ECPAS: variants seen among roughly 807,000 people sequenced by gnomAD.
ECPAS encodes the protein Ecm29 proteasome adaptor and scaffold.
In ECPAS, 70 loss-of-function variants were observed where a neutral mutation model predicts 255.1. That is an observed-to-expected ratio of 0.27 (90% CI 0.23 to 0.33). ECPAS has a LOEUF of 0.33. Ranked by LOEUF, ECPAS falls within the 10% of genes least tolerant of loss-of-function variation. The pLI, the probability that ECPAS is intolerant of heterozygous loss-of-function variation, is 1.00. For missense variants in ECPAS, 1,817 were observed against 2,206.4 expected (o/e 0.82, Z 3.54); for synonymous variants, 784 against 775.0 (o/e 1.01, Z -0.19).
chr9:111,477,700 C>A (rs1001556522), intron 1 of ECPAS, among the ~76,000 whole-genome samples: 1 of 152,096 alleles, frequency 6.6e-6, no homozygotes, highest in Non-Finnish European at 1.5e-5. Context: ...AGTACCAGTA[C>A]CAAACTCACA....
At chr9:111,401,941 C>T (rs1349172312) in intron 24 of ECPAS, among the ~76,000 whole-genome samples, 1 of 152,210 alleles carries the variant, frequency 6.6e-6, no homozygotes, top group East Asian at 1.9e-4. Flanking sequence ...TGTTCAAACA[C>T]ACGTTTTACA....
intron 3 of ECPAS, among the ~76,000 whole-genome samples, chr9:111,446,423 C>T (rs933121499): frequency 6.6e-6 from 1 of 152,188 alleles, no homozygotes; most frequent in Non-Finnish European, 1.5e-5. Context: ...GCCAGGTTTA[C>T]ACTATTCTCC....
chr9:111,378,604 G>T lies in ECPAS; in HGVS notation c.3930C>A (p.Ser1310Arg). The T allele has an allele frequency of 6.2e-7, 1 of 1,613,546 alleles. No individual in the cohort carries two copies. The highest frequency in any genetic ancestry group is 8.5e-7 in the Non-Finnish European group (1 of 1,179,572). ...VLEPQVLNYLSLRATEQEKAA... is the reference protein window; with the variant it reads ...VLEPQVLNYLRLRATEQEKAA... Reference sequence around the variant, plus strand: ...CCTTTTCTTGCTCTGTCGCCCGGAGGCTCAAATAATTGAGAACTTGGGGCT... The same window carrying T: ...CCTTTTCTTGCTCTGTCGCCCGGAGTCTCAAATAATTGAGAACTTGGGGCT... Residue 1310 changes from serine (S) to arginine (R), a missense_variant, in exon 36 of 50, where the codon AGC becomes AGA. Around this residue, in one of 4 missense-constraint regions of ECPAS, gnomAD observed 960 missense variants for 1,179.0 expected, o/e 0.81. Coordinates refer to ENST00000684092, the MANE Select transcript of ECPAS (RefSeq NM_001364929.1).
chr9:111,484,379 G>C lies in ECPAS; in HGVS notation c.-346C>G. Reference sequence around the variant, plus strand: ...ACGCCTGTCCAAAGGAAGAGACGTGGACTCAGAAAAGTAGAGCCGGGCTCG... The same window carrying C: ...ACGCCTGTCCAAAGGAAGAGACGTGCACTCAGAAAAGTAGAGCCGGGCTCG... On this transcript the variant is annotated 5_prime_UTR_variant, in exon 1 of 50. Coordinates refer to ENST00000684092, the MANE Select transcript of ECPAS (RefSeq NM_001364929.1). The C allele has an allele frequency of 1.2e-6, 2 of 1,611,762 alleles. No individual in the cohort carries two copies. Among genetic ancestry groups the C allele is most frequent in the Non-Finnish European group, 1.7e-6 (2 of 1,179,444 alleles).
At chr9:111,454,770 G>A (rs138917833) in intron 2 of ECPAS, among the ~76,000 whole-genome samples, 10 of 150,132 alleles carry the variant, frequency 6.7e-5, no homozygotes, top group East Asian at 3.9e-4. Flanking sequence ...GTGCAGTGGC[G>A]CTATCCACAG....
At chr9:111,406,666 G>T (rs932228600) in intron 24 of ECPAS, among the ~76,000 whole-genome samples, 1 of 149,470 alleles carries the variant, frequency 6.7e-6, no homozygotes, top group Non-Finnish European at 1.5e-5. Context: ...CATTTTGGGA[G>T]ATCCAGGTGG....
Position 111,425,727 on chromosome 9 carries a change from ATAGT to A in ECPAS, c.1136+12_1136+15del. The A allele has an allele frequency of 2.1e-6, 3 of 1,430,286 alleles. No homozygotes were observed. The highest frequency in any genetic ancestry group is 2.0e-6 in the Non-Finnish European group (2 of 1,022,184). The allele number at this position is 1,430,286 out of a possible 1,614,324, so 88.6% of individuals were successfully genotyped here. On this transcript the variant is annotated intron_variant, in intron 11 of 49. Coordinates refer to ENST00000684092, the MANE Select transcript of ECPAS (RefSeq NM_001364929.1). ...GCAGCTTGAAAACTTTATAGTTAAA[ATAGT>A]TAAAGACTTACGTTATACAAATATG... is the stretch of plus-strand genomic sequence containing the variant.
In ECPAS at chr9:111,363,728, T is replaced by G. The variant is rs150053292; in HGVS notation, c.5309-69A>C. 6.2e-4 allele frequency: 484 copies of G among 778,138 alleles called. 4 individuals carry two copies. The African/African-American group carries it at 8.0e-3, about 13-fold the overall frequency. 48.2% of individuals were successfully genotyped at this position (778,138 alleles called of 1,614,324 possible). Reference sequence around the variant, plus strand: ...CACAACCTCCAAGATTAAATTTGTGTTGCTGAAAGAAAGATGTCCAGAAAT... The same window carrying G: ...CACAACCTCCAAGATTAAATTTGTGGTGCTGAAAGAAAGATGTCCAGAAAT... On this transcript the variant is annotated intron_variant, in intron 48 of 49. Transcript: ENST00000684092.
At chr9:111,369,288 G>T in intron 45 of ECPAS, 115 bp from the exon 46 acceptor site, 3 of 680,452 alleles carry the variant, frequency 4.4e-6, no homozygotes, top group Non-Finnish European at 6.4e-6. Context: ...AGAGTTAAAT[G>T]ATAAATTCTC....
At chr9:111,373,886 A>G in intron 39 of ECPAS, 86 bp downstream of exon 39, 1 of 985,094 alleles carries the variant, frequency 1.0e-6, no homozygotes, top group Non-Finnish European at 1.6e-6. Context: ...GCAGGTCTGA[A>G]TGATAAGTAT....
At chr9:111,413,804 G>T in intron 20 of ECPAS, 91 bp downstream of exon 20, 1 of 745,178 alleles carries the variant, frequency 1.3e-6, no homozygotes, top group Non-Finnish European at 2.1e-6. Flanking sequence ...GGCAGAAAAG[G>T]TCATAGGGAT....
chr9:111,425,924 T>C (rs1459170893), intron 10 of ECPAS, 96 bp from the exon 11 acceptor site: 9 of 604,372 alleles, frequency 1.5e-5, no homozygotes, highest in Non-Finnish European at 2.6e-5. Context: ...CCTTTCATAC[T>C]ACATCTCGTT....
intron 24 of ECPAS, 80 bp from the exon 25 acceptor site, chr9:111,397,233 A>C: frequency 1.3e-6 from 2 of 1,562,054 alleles, no homozygotes; most frequent in Non-Finnish European, 1.7e-6. Context: ...GCCTGCTTAA[A>C]AGTGTGGTTC....
At chr9:111,392,913 T>C in intron 27 of ECPAS, 31 bp from the exon 28 acceptor site, 1 of 1,523,376 alleles carries the variant, frequency 6.6e-7, no homozygotes, top group Non-Finnish European at 8.9e-7. Flanking sequence ...ATTGTATCAC[T>C]TTAAAAAAAA....
intron 3 of ECPAS, among the ~76,000 whole-genome samples, chr9:111,446,504 C>T (rs1006111882): frequency 9.2e-5 from 14 of 151,910 alleles, no homozygotes; most frequent in African/African-American, 3.1e-4. Flanking sequence ...TTGACACCGA[C>T]AGCAAAAAAT....
intron 31 of ECPAS, among the ~76,000 whole-genome samples, chr9:111,388,233 A>G (rs1337798801): frequency 6.6e-6 from 1 of 151,514 alleles, no homozygotes; most frequent in Admixed American, 6.6e-5. Flanking sequence ...TTCTCTCAAC[A>G]TTCTCCATGG....
intron 24 of ECPAS, among the ~76,000 whole-genome samples, chr9:111,402,742 T>G (rs2098178077): frequency 6.6e-6 from 1 of 152,214 alleles, no homozygotes; most frequent in Non-Finnish European, 1.5e-5. Context: ...TTTCTTGTGA[T>G]CAAAGTGAAG....
Position 111,376,470 on chromosome 9 carries a change from A to C in ECPAS, c.4020+6T>G, listed in dbSNP as rs1471232134. 2 of 1,583,900 alleles carry C rather than the reference A, an allele frequency of 1.3e-6. No homozygotes were observed. Among genetic ancestry groups the C allele is most frequent in the Admixed American group, 3.5e-5 (2 of 56,346 alleles). The stretch of plus-strand genomic sequence containing the variant: ...AAACCCTCTCATTATTATTTAAGAC[A>C]CTCACCATGTTGATTGTTTCCATCA... On this transcript the variant is annotated splice_donor_region_variant and intron_variant, in intron 37 of 49. Coordinates refer to ENST00000684092, the MANE Select transcript of ECPAS (RefSeq NM_001364929.1).
Position 111,470,746 on chromosome 9 carries a change from CCACA to C in ECPAS, c.22+2147_22+2150del, listed in dbSNP as rs57091815. Among the ~76,000 whole-genome samples, 638 of 124,546 alleles carry C rather than the reference CCACA, an allele frequency of 5.1e-3. 3 individuals carry two copies. Among genetic ancestry groups the C allele is most frequent in the Middle Eastern group, 0.019 (5 of 258 alleles). 81.7% of individuals were successfully genotyped at this position (124,546 alleles called of 152,430 possible). ...AACCCCATCATGTCCTCTCCTCCCG[CCACA>C]CACACACACACACACACACACACAC... On this transcript the variant is annotated intron_variant, in intron 2 of 49. Transcript: ENST00000684092.
Sources: gnomAD v4.1 joint callset for allele counts (sites outside exome capture counted in the v4.1 genomes callset) on GRCh38, gnomAD v4.1.1 for gene constraint, gnomAD v4.1.1 regional missense constraint, MANE v1.5 for transcripts, NCBI Gene and HGNC (gene_info 2026-07-23, HGNC 2026-07-21) for gene names.